The following FLT1 variants were observed in gnomAD, a reference collection of about 807,000 sequenced individuals.
FLT1 encodes vascular endothelial growth factor receptor 1.
Under a neutral mutation model 156.3 loss-of-function variants are expected in FLT1, and 49 were observed. That is an observed-to-expected ratio of 0.31 (90% CI 0.25 to 0.40). The LOEUF (loss-of-function observed/expected upper bound fraction) is 0.40. Ranked by LOEUF, FLT1 falls within the 10% of genes least tolerant of loss-of-function variation. The probability of loss-of-function intolerance (pLI) is 1.00; values close to 1 mark genes in which losing one functional copy is unlikely to be tolerated. For synonymous variants in FLT1, 594 were observed against 583.8 expected (o/e 1.02, Z -0.25); for missense variants, 1,322 against 1,637.2 (o/e 0.81, Z 3.32).
chr13:28,454,000 G>A (rs1398558289), intron 3 of FLT1, among the ~76,000 whole-genome samples: 1 of 152,100 alleles, frequency 6.6e-6, no homozygotes, highest in Admixed American at 6.5e-5. Flanking sequence ...GACCTGAAAA[G>A]TGAGGAAGAG....
intron 14 of FLT1, among the ~76,000 whole-genome samples, chr13:28,363,087 T>G (rs1873169159): frequency 6.6e-6 from 1 of 152,240 alleles, no homozygotes; most frequent in Non-Finnish European, 1.5e-5. Context: ...TCATACTTAA[T>G]TCATTGTTGT....
At chr13:28,479,766 G>C (rs1001461590) in intron 1 of FLT1, among the ~76,000 whole-genome samples, 1 of 152,030 alleles carries the variant, frequency 6.6e-6, no homozygotes, top group South Asian at 2.1e-4. Flanking sequence ...TCATTCTCAG[G>C]GGATATATAC....
intron 10 of FLT1, among the ~76,000 whole-genome samples, chr13:28,415,840 G>A (rs1313161169): frequency 6.6e-6 from 1 of 152,106 alleles, no homozygotes; most frequent in Non-Finnish European, 1.5e-5. Flanking sequence ...ACCATTTCTG[G>A]TCCCATTCTG....
chr13:28,414,274 C>G (rs968155739), intron 10 of FLT1, among the ~76,000 whole-genome samples: 2 of 152,186 alleles, frequency 1.3e-5, no homozygotes, highest in African/African-American at 2.4e-5. Context: ...GAAAGTAAAG[C>G]CTGTGGGCCG....
At chr13:28,442,042 A>C (rs1053457598) in intron 3 of FLT1, among the ~76,000 whole-genome samples, 3 of 152,210 alleles carry the variant, frequency 2.0e-5, no homozygotes, top group Non-Finnish European at 4.4e-5. Flanking sequence ...TAATAAACTT[A>C]TGTGTTTATT....
chr13:28,404,190 A>C (rs1244646961), intron 11 of FLT1, among the ~76,000 whole-genome samples: 1 of 152,226 alleles, frequency 6.6e-6, no homozygotes, highest in East Asian at 1.9e-4. Context: ...TCTGTCAGAG[A>C]AAAAGAGTTG....
intron 10 of FLT1, among the ~76,000 whole-genome samples, chr13:28,426,250 T>C (rs1877335955): frequency 6.6e-6 from 1 of 152,062 alleles, no homozygotes; most frequent in Non-Finnish European, 1.5e-5. Flanking sequence ...TAATATCTTA[T>C]TGTTGCACCT....
intron 20 of FLT1, among the ~76,000 whole-genome samples, chr13:28,325,040 T>C (rs1390688243): frequency 6.6e-6 from 1 of 152,234 alleles, no homozygotes; most frequent in African/African-American, 2.4e-5. Flanking sequence ...CCTTTTGGTT[T>C]TGCCTTTCCT....
At chr13:28,339,130 C>T (rs2138851266) in intron 17 of FLT1, 38 bp downstream of exon 17, 2 of 1,595,682 alleles carry the variant, frequency 1.3e-6, no homozygotes, top group Non-Finnish European at 1.7e-6. Flanking sequence ...AATATGTGCT[C>T]AGTATAGGTT....
chr13:28,408,149 C>A (rs1333950473), intron 10 of FLT1, among the ~76,000 whole-genome samples: 5 of 152,094 alleles, frequency 3.3e-5, no homozygotes, highest in African/African-American at 1.2e-4. Flanking sequence ...ATCGGGGATA[C>A]CTTAGTCAAA....
At chr13:28,385,581 C>T (rs1414970872) in intron 13 of FLT1, 2 of 1,014,744 alleles carry the variant, frequency 2.0e-6, no homozygotes, top group East Asian at 6.8e-5. Context: ...TTGGTTCTTT[C>T]CTTTCTCCAT....
Position 28,466,807 on chromosome 13 carries a change from A to G in FLT1, c.388+96T>C, listed in dbSNP as rs759467786. On this transcript the variant is annotated intron_variant, in intron 3 of 29. Transcript: ENST00000282397. ...CTCTTTCCTAACCCGTTTCTTTCAT[A>G]CTCACTAGGAAAGCAACCTTTCCAA... The G allele has an allele frequency of 1.8e-5, 15 of 841,328 alleles. No individual in the cohort carries two copies. In the South Asian group the frequency reaches 2.1e-4, roughly 12 times the overall value. 52.1% of individuals were successfully genotyped at this position (841,328 alleles called of 1,614,324 possible). A position where few individuals can be genotyped will look rare whatever the true frequency, so the allele number is the denominator to read the frequency against.
chr13:28,339,090 G>C (rs773630481), intron 17 of FLT1, 78 bp downstream of exon 17: 1 of 1,404,140 alleles, frequency 7.1e-7, no homozygotes, highest in Non-Finnish European at 1.0e-6. Context: ...GTTTACTTTC[G>C]CATCTCTCAA....
intron 14 of FLT1, among the ~76,000 whole-genome samples, chr13:28,376,538 T>C (rs1303712908): frequency 6.6e-6 from 1 of 152,244 alleles, no homozygotes; most frequent in Non-Finnish European, 1.5e-5. Flanking sequence ...GGTTTGTTAC[T>C]TTTTTCAGCC....
At position 28,405,906 on chromosome 13, in the gene FLT1, A is replaced by AG. The variant is rs1458769749; in HGVS notation, c.1437-13_1437-12insC. On this transcript the variant is annotated splice_polypyrimidine_tract_variant and intron_variant, in intron 10 of 29. Coordinates refer to ENST00000282397, the MANE Select transcript of FLT1 (RefSeq NM_002019.4). ...AACAAAAGTCACACCTATTAAAAAA[A>AG]AAAGTTGTCACAATGTGGCTTTACA... 2 of 1,456,782 alleles carry AG rather than the reference A, an allele frequency of 1.4e-6. No homozygotes were observed. The highest frequency in any genetic ancestry group is 2.8e-5 in the African/African-American group (2 of 71,878). 90.2% of individuals were successfully genotyped at this position (1,456,782 alleles called of 1,614,324 possible). A position where few individuals can be genotyped will look rare whatever the true frequency, so the allele number is the denominator to read the frequency against.
Position 28,431,277 on chromosome 13 carries a change from C to G in FLT1, c.847G>C (p.Asp283His). The G allele has an allele frequency of 6.2e-7, 1 of 1,613,842 alleles. No individual in the cohort carries two copies. Among genetic ancestry groups the G allele is most frequent in the Non-Finnish European group, 8.5e-7 (1 of 1,179,772 alleles). The change falls in exon 7 of 30, where the codon GAC (aspartate) becomes CAC (histidine). Residue 283 changes from aspartate to histidine, a missense_variant. Around this residue, in one of 3 missense-constraint regions of FLT1, gnomAD observed 991 missense variants for 1,254.8 expected, o/e 0.79. Coordinates refer to ENST00000282397, the MANE Select transcript of FLT1 (RefSeq NM_002019.4). ...ATGTTGGCATGGGAATTGCTTTGGT[C>G]AATTCGTCGCCTTACGGAAGCTCTC... is the stretch of plus-strand genomic sequence containing the variant. ...NKRASVRRRI[D>H]QSNSHANIFY...
intron 3 of FLT1, among the ~76,000 whole-genome samples, chr13:28,443,327 A>C (rs1878435146): frequency 6.6e-6 from 1 of 152,182 alleles, no homozygotes; most frequent in Non-Finnish European, 1.5e-5. Flanking sequence ...TCCTTTTGAA[A>C]TCTGTAATCA....
intron 20 of FLT1, among the ~76,000 whole-genome samples, chr13:28,327,209 T>G (rs1402693692): frequency 2.6e-5 from 4 of 152,270 alleles, no homozygotes; most frequent in Non-Finnish European, 5.9e-5. Flanking sequence ...GATATTTAGA[T>G]AAGTGGCTAG....
At chr13:28,363,842 A>G (rs1873195827) in intron 14 of FLT1, among the ~76,000 whole-genome samples, 1 of 152,160 alleles carries the variant, frequency 6.6e-6, no homozygotes, top group Non-Finnish European at 1.5e-5. Flanking sequence ...TCCTGACCTC[A>G]AGCGATCTGC....
Sources: gnomAD v4.1 joint callset for allele counts (sites outside exome capture counted in the v4.1 genomes callset) on GRCh38, gnomAD v4.1.1 for gene constraint, gnomAD v4.1.1 regional missense constraint, MANE v1.5 for transcripts, NCBI Gene and HGNC (gene_info 2026-07-23, HGNC 2026-07-21) for gene names.